LRRC3B: variants seen among roughly 807,000 people sequenced by gnomAD.
LRRC3B encodes the protein leucine-rich repeat-containing protein 3B.
Under a neutral mutation model 12.8 loss-of-function variants are expected in LRRC3B, and 2 were observed. The observed-to-expected ratio is 0.16, with a 90% CI of 0.06 to 0.49. LRRC3B has a LOEUF of 0.49. Ranked by LOEUF, LRRC3B falls within the 20% of genes least tolerant of loss-of-function variation. LRRC3B has a pLI of 0.96. For missense variants in LRRC3B, 189 were observed against 319.4 expected, an observed-to-expected ratio of 0.59 and a Z score of 3.11; for synonymous variants, 132 against 122.0, an observed-to-expected ratio of 1.08 and a Z score of -0.54.
At chr3:26,673,490 C>A (rs1357334832) in intron 1 of LRRC3B, among the ~76,000 whole-genome samples, 3 of 152,194 alleles carry the variant, frequency 2.0e-5, no homozygotes, top group African/African-American at 7.2e-5. Context: ...TTTTGAGAAG[C>A]AGTCTTAGAA....
exon 2 of LRRC3B, chr3:26,709,955 C>T: frequency 6.2e-7 from 1 of 1,614,134 alleles, no homozygotes; most frequent in Non-Finnish European, 8.5e-7. Flanking sequence ...AGTTCTCAAC[C>T]TGTCCAAAAA....
rs1480789861 is a variant in LRRC3B at position 26,671,367 on chromosome 3, T to TAGAG, written c.-160-38145_-160-38144insGAGA. ...ATATGTGTGTATATATATATATATA[T>TAGAG]ATATATAGAGAGAGAGAGAGAGAGA... On this transcript the variant is annotated intron_variant, in intron 1 of 1. Transcript: ENST00000396641. Among the ~76,000 whole-genome samples the TAGAG allele has an allele frequency of 4.3e-3, 172 of 40,280 alleles. 2 individuals are homozygous for TAGAG. The highest frequency in any genetic ancestry group is 0.012 in the East Asian group (8 of 662). 26.4% of individuals were successfully genotyped at this position (40,280 alleles called of 152,430 possible).
intron 1 of LRRC3B, among the ~76,000 whole-genome samples, chr3:26,683,317 C>G (rs116684862): frequency 2.6e-3 from 400 of 152,330 alleles, no homozygotes; most frequent in African/African-American, 9.3e-3. Flanking sequence ...AGTACCACAA[C>G]CATCTGATCT....
Position 26,674,096 on chromosome 3 carries a change from T to C in LRRC3B, c.-160-35417T>C, listed in dbSNP as rs1393838936. Among the ~76,000 whole-genome samples the C allele has an allele frequency of 2.0e-5, 3 of 152,240 alleles. No homozygotes were observed. The East Asian group carries it at 5.8e-4, about 29-fold the overall frequency. On this transcript the variant is annotated intron_variant, in intron 1 of 1. Coordinates refer to ENST00000396641, the Ensembl canonical transcript of LRRC3B. ...TTGAATTTTTGAAACAAGCATACTC[T>C]GCATTTTATAGGTGAGGAGAGGTTT...
At chr3:26,636,980 C>T (rs867399487) in intron 1 of LRRC3B, among the ~76,000 whole-genome samples, 327 of 118,086 alleles carry the variant, frequency 2.8e-3, no homozygotes, top group East Asian at 9.0e-3. Flanking sequence ...CTTTCTCTCT[C>T]TCTCTTTCTC....
intron 1 of LRRC3B, among the ~76,000 whole-genome samples, chr3:26,702,845 C>A (rs1700491402): frequency 6.6e-6 from 1 of 152,082 alleles, no homozygotes; most frequent in Admixed American, 6.6e-5. Context: ...CAGAAAAAAA[C>A]TTCAAGAAAT....
chr3:26,685,523 C>CTCTATATATATATA (rs1200535225), intron 1 of LRRC3B, among the ~76,000 whole-genome samples: 1 of 38,302 alleles, frequency 2.6e-5, no homozygotes, highest in African/African-American at 1.3e-4. Flanking sequence ...CTCTCTCTCT[C>CTCTATATATATATA]TATATATATA....
intron 1 of LRRC3B, among the ~76,000 whole-genome samples, chr3:26,671,808 A>T (rs143293155): frequency 6.6e-6 from 1 of 152,250 alleles, no homozygotes; most frequent in Non-Finnish European, 1.5e-5. Context: ...TTTAACCAGA[A>T]CCACACTTTG....
intron 1 of LRRC3B, among the ~76,000 whole-genome samples, chr3:26,671,373 T>TATATAGAGAGAGAGAGAGAGAGAGAGAG (rs1261897533): frequency 7.1e-5 from 2 of 28,254 alleles, no homozygotes; most frequent in African/African-American, 1.5e-4. Flanking sequence ...TATATATATA[T>TATATAGAGAGAGAGAGAGAGAGAGAGAG]AGAGAGAGAG....
At chr3:26,681,762 T>C (rs911045813) in intron 1 of LRRC3B, among the ~76,000 whole-genome samples, 6 of 152,198 alleles carry the variant, frequency 3.9e-5, no homozygotes, top group African/African-American at 1.2e-4. Flanking sequence ...AGATGGTTGA[T>C]AGATCTGGTA....
chr3:26,677,943 G>A (rs375537056), intron 1 of LRRC3B, among the ~76,000 whole-genome samples: 24 of 152,134 alleles, frequency 1.6e-4, no homozygotes, highest in African/African-American at 5.5e-4. Context: ...GGGACTACAG[G>A]CATGTGCCAA....
intron 1 of LRRC3B, among the ~76,000 whole-genome samples, chr3:26,629,148 T>G (rs1039280049): frequency 3.9e-5 from 6 of 152,104 alleles, no homozygotes; most frequent in Admixed American, 1.3e-4. Flanking sequence ...AAATACAGAT[T>G]AGTTTCCTTT....
chr3:26,685,521 CTCTATATATA>C (rs773995893), intron 1 of LRRC3B, among the ~76,000 whole-genome samples: 597 of 41,436 alleles, frequency 0.014, 1 homozygote, highest in African/African-American at 0.032. Flanking sequence ...CTCTCTCTCT[CTCTATATATA>C]TATATATATA....
chr3:26,657,814 C>T (rs1053284127), intron 1 of LRRC3B, among the ~76,000 whole-genome samples: 9 of 152,138 alleles, frequency 5.9e-5, no homozygotes, highest in East Asian at 5.8e-4. Flanking sequence ...TATGAATCGA[C>T]GGGCATAGCC....
At chr3:26,675,970 CTT>C (rs75491444) in intron 1 of LRRC3B, among the ~76,000 whole-genome samples, 1 of 136,064 alleles carries the variant, frequency 7.3e-6, no homozygotes, top group Non-Finnish European at 1.6e-5. Context: ...AAGCCCCTTT[CTT>C]TTTTTTTTTA....
chr3:26,646,598 TAAAAAAAAAAAAAAAAAAAAAAAA>T (rs529066996), intron 1 of LRRC3B, among the ~76,000 whole-genome samples: 5 of 99,642 alleles, frequency 5.0e-5, no homozygotes, highest in Non-Finnish European at 8.3e-5. Context: ...GGATAGGAGG[TAAAAAAAAAAAAAAAAAAAAAAAA>T]AAAAAAAAAA....
intron 1 of LRRC3B, among the ~76,000 whole-genome samples, chr3:26,635,155 C>A (rs1229873749): frequency 6.6e-6 from 1 of 152,102 alleles, no homozygotes; most frequent in African/African-American, 2.4e-5. Context: ...GAGCCTCAAG[C>A]CACCTGGACC....
chr3:26,653,973 T>C (rs938824348), intron 1 of LRRC3B, among the ~76,000 whole-genome samples: 1 of 152,150 alleles, frequency 6.6e-6, no homozygotes, highest in Non-Finnish European at 1.5e-5. Context: ...TTTTTTTCCA[T>C]GTCTAATTAA....
At chr3:26,636,327 T>C (rs1233052666) in intron 1 of LRRC3B, among the ~76,000 whole-genome samples, 2 of 143,558 alleles carry the variant, frequency 1.4e-5, no homozygotes, top group Admixed American at 7.0e-5. Context: ...AAGGATGTGA[T>C]TTTTTTTTAC....
Sources: gnomAD v4.1 joint callset for allele counts (sites outside exome capture counted in the v4.1 genomes callset) on GRCh38, gnomAD v4.1.1 for gene constraint, MANE v1.5 for transcripts, NCBI Gene and HGNC (gene_info 2026-07-23, HGNC 2026-07-21) for gene names.